Variants in PGR observed in about 807,000 individuals in gnomAD.
PGR encodes the protein progesterone receptor.
PGR carries 25 observed loss-of-function variants against 76.1 expected under a neutral mutation model. That is an observed-to-expected ratio of 0.33 (90% CI 0.24 to 0.46). PGR has a LOEUF of 0.46. PGR is among the 20% of genes least tolerant of loss of function. PGR has a pLI of 1.00. For synonymous variants in PGR, 579 were observed against 535.0 expected, an observed-to-expected ratio of 1.08 and a Z score of -1.14; for missense variants, 1,172 against 1,225.3, an observed-to-expected ratio of 0.96 and a Z score of 0.65.
chr11:101,095,496 G>C (rs1457603260), intron 2 of PGR, among the ~76,000 whole-genome samples: 1 of 152,200 alleles, frequency 6.6e-6, no homozygotes, highest in Non-Finnish European at 1.5e-5. Context: ...GCAACCTTTG[G>C]AGGTATTAAT....
At position 101,038,867 on chromosome 11, in the gene PGR, T is replaced by G; in HGVS notation, c.*249A>C. ...TGGATAAGATAGTTTACTTTAACAA[T>G]TTTAGTACTTTTTCAATCTTGTAAA... On this transcript the variant is annotated 3_prime_UTR_variant, in exon 8 of 8. Coordinates refer to ENST00000325455, the MANE Select transcript of PGR (RefSeq NM_000926.4). 2.4e-6 allele frequency: 1 copy of G among 411,558 alleles called. No homozygotes were observed. The highest frequency in any genetic ancestry group is 4.4e-6 in the Non-Finnish European group (1 of 227,916). 25.5% of individuals were successfully genotyped at this position (411,558 alleles called of 1,614,324 possible). A position where few individuals can be genotyped will look rare whatever the true frequency, so the allele number is the denominator to read the frequency against.
At chr11:101,113,950 G>GCC (rs112636360) in intron 2 of PGR, among the ~76,000 whole-genome samples, 158 of 151,588 alleles carry the variant, frequency 1.0e-3, no homozygotes, top group African/African-American at 3.7e-3. Context: ...ACTTTCATCC[G>GCC]CCCCCCCATC....
Position 101,034,237 on chromosome 11 carries a change from G to A in PGR, c.*4879C>T, listed in dbSNP as rs1488429125. 9.2e-6 allele frequency: 2 copies of A among 217,444 alleles called. No individual in the cohort carries two copies. The highest frequency in any genetic ancestry group is 1.8e-5 in the Non-Finnish European group (2 of 108,162). The allele number at this position is 217,444 out of a possible 1,614,324, so 13.5% of individuals were successfully genotyped here. On this transcript the variant is annotated 3_prime_UTR_variant, in exon 8 of 8. Transcript: ENST00000325455. ...GTCAGCATGACATACAGCAACAAGA[G>A]CCAGTAAATCGAAAATGAGGCTGAC...
chr11:101,101,682 T>C (rs1205689636), intron 2 of PGR, among the ~76,000 whole-genome samples: 2 of 152,216 alleles, frequency 1.3e-5, no homozygotes, highest in African/African-American at 4.8e-5. Flanking sequence ...TAGATCCAGA[T>C]ATGAGAATCC....
At chr11:101,076,051 A>G (rs772913055) in intron 3 of PGR, among the ~76,000 whole-genome samples, 2 of 152,234 alleles carry the variant, frequency 1.3e-5, no homozygotes, top group Non-Finnish European at 2.9e-5. Context: ...CACAATAGTA[A>G]AGATTTGGAG....
chr11:101,047,581 C>T (rs1413878884), intron 6 of PGR, among the ~76,000 whole-genome samples: 1 of 152,058 alleles, frequency 6.6e-6, no homozygotes, highest in East Asian at 1.9e-4. Context: ...CTGCCCTTCC[C>T]TCCTGATCTG....
intron 2 of PGR, among the ~76,000 whole-genome samples, chr11:101,118,258 G>T (rs1862569762): frequency 6.6e-6 from 1 of 152,212 alleles, no homozygotes; most frequent in Non-Finnish European, 1.5e-5. Context: ...TTTGTTGCAA[G>T]AGTTAAATGA....
At chr11:101,117,541 A>G (rs1319006936) in intron 2 of PGR, among the ~76,000 whole-genome samples, 1 of 152,104 alleles carries the variant, frequency 6.6e-6, no homozygotes, top group African/African-American at 2.4e-5. Flanking sequence ...TCAAATTTAG[A>G]AAGTTTTCCA....
At chr11:101,046,010 C>G (rs959596834) in intron 6 of PGR, among the ~76,000 whole-genome samples, 1 of 152,022 alleles carries the variant, frequency 6.6e-6, no homozygotes, top group Non-Finnish European at 1.5e-5. Context: ...GGTTACCAAC[C>G]AATCCCTATA....
At position 101,031,556 on chromosome 11, in the gene PGR, C is replaced by T. The variant is rs1859351934; in HGVS notation, c.*7560G>A. ...TCCTCAGCTCCAAGGCTGTGGAGGG[C>T]TCATGAAGTCACAATGTTCTACTGA... On this transcript the variant is annotated 3_prime_UTR_variant, in exon 8 of 8. Coordinates refer to ENST00000325455, the MANE Select transcript of PGR (RefSeq NM_000926.4). 3 of 224,654 alleles carry T rather than the reference C, an allele frequency of 1.3e-5. No individual in the cohort carries two copies. In the East Asian group the frequency reaches 1.9e-4, roughly 14 times the overall value. 13.9% of individuals were successfully genotyped at this position (224,654 alleles called of 1,614,324 possible). A position where few individuals can be genotyped will look rare whatever the true frequency, so the allele number is the denominator to read the frequency against.
chr11:101,069,052 A>G (rs540898386), intron 3 of PGR, among the ~76,000 whole-genome samples: 9 of 152,346 alleles, frequency 5.9e-5, no homozygotes, highest in African/African-American at 2.2e-4. Flanking sequence ...TCTGCACAGC[A>G]AAAGAAACTA....
chr11:101,096,676 A>G (rs1261645337), intron 2 of PGR, among the ~76,000 whole-genome samples: 2 of 152,246 alleles, frequency 1.3e-5, no homozygotes, highest in African/African-American at 2.4e-5. Flanking sequence ...TGAAAATCTA[A>G]CATAACATCA....
chr11:101,062,044 A>C (rs1045015563), intron 4 of PGR, among the ~76,000 whole-genome samples: 3 of 152,178 alleles, frequency 2.0e-5, no homozygotes, highest in Non-Finnish European at 4.4e-5. Context: ...TTGATTTGTT[A>C]TATGACTTTA....
At chr11:101,042,563 T>A (rs910462726) in intron 6 of PGR, among the ~76,000 whole-genome samples, 4 of 152,208 alleles carry the variant, frequency 2.6e-5, no homozygotes, top group African/African-American at 9.6e-5. Flanking sequence ...TTAAGATTAT[T>A]CCTAGATGAT....
In PGR at chr11:101,038,663, A is replaced by G. The variant is rs765622521; in HGVS notation, c.*453T>C. 4.3e-6 allele frequency: 1 copy of G among 231,946 alleles called. No homozygotes were observed. The highest frequency in any genetic ancestry group is 2.2e-5 in the African/African-American group (1 of 45,174). 14.4% of individuals were successfully genotyped at this position (231,946 alleles called of 1,614,324 possible). A position where few individuals can be genotyped will look rare whatever the true frequency, so the allele number is the denominator to read the frequency against. ...TTCCTCCTCACACAAATATATATAGACAAAATTTTGCATACCATTTTAAAG... is the reference window on the plus strand; with the variant it reads ...TTCCTCCTCACACAAATATATATAGGCAAAATTTTGCATACCATTTTAAAG... On this transcript the variant is annotated 3_prime_UTR_variant, in exon 8 of 8. Coordinates refer to ENST00000325455, the MANE Select transcript of PGR (RefSeq NM_000926.4).
intron 3 of PGR, among the ~76,000 whole-genome samples, chr11:101,088,027 CAA>C (rs76881450): frequency 1.3e-5 from 2 of 148,612 alleles, no homozygotes; most frequent in African/African-American, 4.9e-5. Flanking sequence ...CTTATCGTTA[CAA>C]AAAAAAAATA....
At chr11:101,101,604 A>G in intron 2 of PGR, among the ~76,000 whole-genome samples, 1 of 152,198 alleles carries the variant, frequency 6.6e-6, no homozygotes, top group East Asian at 1.9e-4. Context: ...TTCCAACTAC[A>G]TATCTGTGTG....
In PGR at chr11:101,032,495, A is replaced by T; in HGVS notation, c.*6621T>A. The T allele has an allele frequency of 4.3e-6, 1 of 232,108 alleles. No homozygotes were observed. The highest frequency in any genetic ancestry group is 8.5e-6 in the Non-Finnish European group (1 of 117,758). The allele number at this position is 232,108 out of a possible 1,614,324, so 14.4% of individuals were successfully genotyped here. On this transcript the variant is annotated 3_prime_UTR_variant, in exon 8 of 8. Coordinates refer to ENST00000325455, the MANE Select transcript of PGR (RefSeq NM_000926.4). ...TTCTTCAGTCTCATCATCCATCCCC[A>T]CCCCACATTCTCTCTCCCCATCAGG...
rs1003403463 is a variant in PGR at position 101,040,647 on chromosome 11, G to A, written c.2646+1298C>T. On this transcript the variant is annotated intron_variant, in intron 7 of 7. Transcript: ENST00000325455. The stretch of plus-strand genomic sequence containing the variant: ...TTCTGAATCCTGATAACGTCTATGT[G>A]ACCTGTTTCTTTCATCACTGGTATA... 2.0e-5 allele frequency among the ~76,000 whole-genome samples: 3 copies of A among 152,066 alleles called. No homozygotes were observed. The East Asian group carries it at 5.8e-4, about 29-fold the overall frequency.
Sources: allele counts gnomAD v4.1 joint callset (sites outside exome capture counted in the v4.1 genomes callset), GRCh38; gene constraint gnomAD v4.1.1; transcripts MANE v1.5; gene names NCBI Gene and HGNC (gene_info 2026-07-23, HGNC 2026-07-21).